DAB1: variants seen among roughly 807,000 people sequenced by gnomAD.
DAB1 encodes DAB adaptor protein 1.
DAB1 carries 15 observed loss-of-function variants against 64.6 expected under a neutral mutation model. The ratio of observed to expected loss-of-function variants is 0.23; its 90% CI spans 0.16 to 0.36. The LOEUF (loss-of-function observed/expected upper bound fraction) is 0.36. DAB1 is among the 10% of genes least tolerant of loss of function. The probability of loss-of-function intolerance (pLI) is 1.00; values close to 1 mark genes in which losing one functional copy is unlikely to be tolerated. For missense variants in DAB1, 596 were observed against 706.7 expected, an observed-to-expected ratio of 0.84 and a Z score of 1.78; for synonymous variants, 235 against 251.9, an observed-to-expected ratio of 0.93 and a Z score of 0.64.
At chr1:57,883,554 C>T (rs897757119) in intron 1 of DAB1, among the ~76,000 whole-genome samples, 1 of 152,210 alleles carries the variant, frequency 6.6e-6, no homozygotes, top group Non-Finnish European at 1.5e-5. Context: ...ATGCAGAAAG[C>T]AGCATATTTC....
intron 3 of DAB1, among the ~76,000 whole-genome samples, chr1:58,381,617 G>A (rs1644390022): frequency 6.6e-6 from 1 of 152,218 alleles, no homozygotes; most frequent in African/African-American, 2.4e-5. Context: ...TCAGGATACA[G>A]TTTGAAGACC....
chr1:58,086,741 CT>C (rs1650338338), intron 5 of DAB1, among the ~76,000 whole-genome samples: 1 of 151,866 alleles, frequency 6.6e-6, no homozygotes, highest in Admixed American at 6.6e-5. Context: ...TCTCATGCCT[CT>C]GTACTTCTGC....
chr1:57,995,187 G>T (rs1646405854), intron 5 of DAB1, among the ~76,000 whole-genome samples: 1 of 152,178 alleles, frequency 6.6e-6, no homozygotes, highest in South Asian at 2.1e-4. Flanking sequence ...GGGTACTCAA[G>T]TTTTTAAATG....
At chr1:57,817,586 C>G (rs1651926895) in intron 6 of DAB1, among the ~76,000 whole-genome samples, 1 of 152,194 alleles carries the variant, frequency 6.6e-6, no homozygotes, top group Non-Finnish European at 1.5e-5. Flanking sequence ...GGGTGGAGGG[C>G]TCCTCAGGCA....
intron 5 of DAB1, among the ~76,000 whole-genome samples, chr1:58,135,466 C>A (rs1348162732): frequency 1.3e-5 from 2 of 151,866 alleles, no homozygotes; most frequent in African/African-American, 4.8e-5. Flanking sequence ...CAAACAGGAA[C>A]TTTTTTTTAT....
At position 57,045,812 on chromosome 1, in the gene DAB1, C is replaced by T. The variant is rs114936882; in HGVS notation, c.723+17072G>A. Among the ~76,000 whole-genome samples, 1,372 of 152,300 alleles carry T rather than the reference C, an allele frequency of 9.0e-3. 24 individuals are homozygous for T. Among genetic ancestry groups the T allele is most frequent in the African/African-American group, 0.031 (1,308 of 41,558 alleles). ...TCTAGAGATAAGGACAGCAATACTG[C>T]TAACCTGCTGGAGAGAAACATAACG... On this transcript the variant is annotated intron_variant, in intron 9 of 14. Coordinates refer to ENST00000371236, the MANE Select transcript of DAB1 (RefSeq NM_001365792.1).
At chr1:58,362,312 C>A (rs992499075) in intron 3 of DAB1, among the ~76,000 whole-genome samples, 3 of 152,136 alleles carry the variant, frequency 2.0e-5, no homozygotes, top group African/African-American at 7.2e-5. Context: ...ACCCAGACTG[C>A]CAAGGTTGGT....
chr1:57,066,296 G>T (rs1570626829), intron 8 of DAB1, among the ~76,000 whole-genome samples: 3 of 152,132 alleles, frequency 2.0e-5, no homozygotes, highest in South Asian at 4.1e-4. Context: ...CTCAATTGGG[G>T]GAACTTGATT....
intron 5 of DAB1, among the ~76,000 whole-genome samples, chr1:57,957,668 T>C (rs1330263679): frequency 6.6e-6 from 1 of 151,940 alleles, no homozygotes; most frequent in Non-Finnish European, 1.5e-5. Flanking sequence ...GTTCAGAGTT[T>C]GGAAAAATGA....
chr1:57,652,271 G>A (rs535385392), intron 6 of DAB1, among the ~76,000 whole-genome samples: 4 of 152,100 alleles, frequency 2.6e-5, no homozygotes, highest in Admixed American at 2.6e-4. Flanking sequence ...AACCATGCCT[G>A]TGACCTCACC....
Position 57,342,800 on chromosome 1 carries a change from A to C in DAB1, c.-136-51634T>G, listed in dbSNP as rs181804776. On this transcript the variant is annotated intron_variant, in intron 1 of 14. Transcript: ENST00000371236. ...TTCGCGGTGAGCGTTACAGCTCTTAAGGAGGCGTGTCTGGAGTTGTTGGTT... is the reference window on the plus strand; with the variant it reads ...TTCGCGGTGAGCGTTACAGCTCTTACGGAGGCGTGTCTGGAGTTGTTGGTT... 1.3e-4 allele frequency among the ~76,000 whole-genome samples: 20 copies of C among 150,260 alleles called. No individual in the cohort carries two copies. The Admixed American group carries it at 1.3e-3, about 10-fold the overall frequency.
chr1:57,819,439 C>T (rs1652018309), intron 6 of DAB1, among the ~76,000 whole-genome samples: 2 of 152,118 alleles, frequency 1.3e-5, no homozygotes, highest in African/African-American at 4.8e-5. Context: ...TGTTGTTTCA[C>T]AGTCATTTTT....
At chr1:57,580,775 T>C (rs1240072541) in intron 7 of DAB1, among the ~76,000 whole-genome samples, 1 of 152,142 alleles carries the variant, frequency 6.6e-6, no homozygotes, top group Non-Finnish European at 1.5e-5. Context: ...AGACAACTAA[T>C]CTCATCCTCA....
chr1:57,431,991 G>C (rs1685535215), intron 7 of DAB1, among the ~76,000 whole-genome samples: 1 of 151,984 alleles, frequency 6.6e-6, no homozygotes, highest in Admixed American at 6.6e-5. Flanking sequence ...GTGTGATGGT[G>C]TGTGCCTGTA....
chr1:57,640,526 C>A (rs1248744429), intron 7 of DAB1, among the ~76,000 whole-genome samples: 1 of 152,070 alleles, frequency 6.6e-6, no homozygotes, highest in African/African-American at 2.4e-5. Context: ...GCAAAGGGAG[C>A]CTTAAGTTGG....
At chr1:58,172,404 G>T (rs1400407982) in intron 4 of DAB1, among the ~76,000 whole-genome samples, 1 of 152,136 alleles carries the variant, frequency 6.6e-6, no homozygotes, top group Non-Finnish European at 1.5e-5. Flanking sequence ...ACAAGGAAAG[G>T]ATCTCACTGG....
At chr1:57,197,914 G>T (rs2100251170) in intron 2 of DAB1, among the ~76,000 whole-genome samples, 1 of 151,928 alleles carries the variant, frequency 6.6e-6, no homozygotes, top group East Asian at 1.9e-4. Flanking sequence ...TGGTTTGATG[G>T]TGATGATTTA....
At chr1:57,778,910 T>C (rs1649940234) in intron 6 of DAB1, among the ~76,000 whole-genome samples, 1 of 151,358 alleles carries the variant, frequency 6.6e-6, no homozygotes, top group South Asian at 2.1e-4. Context: ...CCTTACTCAC[T>C]CCCTCCCTTC....
intron 5 of DAB1, among the ~76,000 whole-genome samples, chr1:58,013,975 TA>T (rs1470685373): frequency 6.6e-6 from 1 of 151,886 alleles, no homozygotes; most frequent in East Asian, 1.9e-4. Context: ...TTAGTAATAA[TA>T]ATGGTAGTAG....
Sources: gnomAD v4.1 joint callset for allele counts (sites outside exome capture counted in the v4.1 genomes callset) on GRCh38, gnomAD v4.1.1 for gene constraint, MANE v1.5 for transcripts, NCBI Gene and HGNC (gene_info 2026-07-23, HGNC 2026-07-21) for gene names.